The following TFDP2 variants were observed in gnomAD, a reference collection of about 807,000 sequenced individuals.
The protein encoded by TFDP2 is transcription factor Dp-2, also known as transcription factor Dp-2 (E2F dimerization partner 2).
TFDP2 carries 17 observed loss-of-function variants against 59.3 expected under a neutral mutation model. That is an observed-to-expected ratio of 0.29 (90% CI 0.20 to 0.43). The LOEUF (loss-of-function observed/expected upper bound fraction) is 0.43, where lower values mean the gene tolerates loss of function less well. Among genes scored for constraint, TFDP2 ranks in the 20% least tolerant of loss-of-function variants. The pLI, the probability that TFDP2 is intolerant of heterozygous loss-of-function variation, is 1.00. For synonymous variants in TFDP2, 180 were observed against 194.7 expected (o/e 0.92, Z 0.63); for missense variants, 391 against 528.8 (o/e 0.74, Z 2.56).
intron 1 of TFDP2, among the ~76,000 whole-genome samples, chr3:142,108,424 G>C (rs112061061): frequency 6.6e-6 from 1 of 152,160 alleles, no homozygotes; most frequent in African/African-American, 2.4e-5. Context: ...TGGCCAGGCT[G>C]GTTTCAAACT....
At chr3:141,984,008 A>G (rs1941780389) in intron 6 of TFDP2, among the ~76,000 whole-genome samples, 1 of 152,230 alleles carries the variant, frequency 6.6e-6, no homozygotes, top group African/African-American at 2.4e-5. Flanking sequence ...ATATTTGTAC[A>G]CCCATGCTCA....
intron 1 of TFDP2, among the ~76,000 whole-genome samples, chr3:142,117,317 AC>A (rs1487566755): frequency 6.6e-6 from 1 of 152,102 alleles, no homozygotes; most frequent in Non-Finnish European, 1.5e-5. Flanking sequence ...CATAAAATAA[AC>A]CACAAGAATT....
intron 6 of TFDP2, among the ~76,000 whole-genome samples, chr3:141,985,362 C>G (rs148929670): frequency 2.0e-5 from 3 of 151,790 alleles, no homozygotes; most frequent in African/African-American, 7.2e-5. Flanking sequence ...GACCTCATCT[C>G]TACAAAAAAT....
At position 141,964,057 on chromosome 3, in the gene TFDP2, T is replaced by C. The variant is rs1937600904; in HGVS notation, c.733-94A>G. The C allele has an allele frequency of 2.4e-6, 3 of 1,242,120 alleles. No individual in the cohort carries two copies. In the Admixed American group the frequency reaches 7.7e-5, roughly 32 times the overall value. The allele number at this position is 1,242,120 out of a possible 1,614,324, so 76.9% of individuals were successfully genotyped here. ...TAATACCTTTAAATATAGTTTAAAA[T>C]TAGAGTTTAAAGAGACATCCCGCCT... On this transcript the variant is annotated intron_variant, in intron 9 of 12. Coordinates refer to ENST00000489671, the MANE Select transcript of TFDP2 (RefSeq NM_001178139.2).
intron 1 of TFDP2, among the ~76,000 whole-genome samples, chr3:142,104,481 A>G (rs2061413699): frequency 2.0e-5 from 3 of 152,208 alleles, no homozygotes; most frequent in African/African-American, 7.2e-5. Context: ...CATATATGCT[A>G]TCACCAAGGG....
At chr3:141,980,575 C>T (rs1336638853) in intron 6 of TFDP2, among the ~76,000 whole-genome samples, 1 of 152,096 alleles carries the variant, frequency 6.6e-6, no homozygotes, top group Non-Finnish European at 1.5e-5. Context: ...AAGAGTCTCA[C>T]TCTATCCCCT....
intron 1 of TFDP2, among the ~76,000 whole-genome samples, chr3:142,124,383 C>T (rs1056150764): frequency 6.6e-6 from 1 of 151,972 alleles, no homozygotes; most frequent in African/African-American, 2.4e-5. Context: ...AAAAAGCATA[C>T]AGATAGAGGG....
chr3:142,088,711 G>A (rs2108606409), intron 3 of TFDP2, among the ~76,000 whole-genome samples: 2 of 150,664 alleles, frequency 1.3e-5, no homozygotes, highest in South Asian at 4.2e-4. Context: ...CCTGGACTCA[G>A]GAAATCCTTC....
At chr3:142,071,233 T>C (rs2060237806) in intron 3 of TFDP2, among the ~76,000 whole-genome samples, 1 of 152,040 alleles carries the variant, frequency 6.6e-6, no homozygotes, top group African/African-American at 2.4e-5. Context: ...CTTGGCTTAC[T>C]GCAAGCTCTG....
intron 4 of TFDP2, among the ~76,000 whole-genome samples, chr3:142,001,510 C>T (rs1475191420): frequency 6.6e-6 from 1 of 152,098 alleles, no homozygotes; most frequent in Admixed American, 6.6e-5. Flanking sequence ...TTTATTCTTC[C>T]ATTGTTTTGA....
intron 3 of TFDP2, among the ~76,000 whole-genome samples, chr3:142,011,334 G>A (rs377377571): frequency 6.1e-5 from 8 of 131,534 alleles, no homozygotes; most frequent in East Asian, 2.2e-4. Flanking sequence ...GTAAACTATC[G>A]CAAGAACAAA....
chr3:142,073,721 CT>C (rs1047182884), intron 3 of TFDP2, among the ~76,000 whole-genome samples: 5 of 152,122 alleles, frequency 3.3e-5, no homozygotes, highest in African/African-American at 7.2e-5. Flanking sequence ...AAACAATTCA[CT>C]TTTGAAAGTA....
chr3:142,115,061 G>A (rs1560160069), intron 1 of TFDP2, among the ~76,000 whole-genome samples: 2 of 151,850 alleles, frequency 1.3e-5, no homozygotes, highest in Non-Finnish European at 2.9e-5. Flanking sequence ...CTTAATTCCT[G>A]CCCCTCCACT....
intron 3 of TFDP2, among the ~76,000 whole-genome samples, chr3:142,062,752 C>A (rs954717640): frequency 2.6e-5 from 4 of 151,426 alleles, no homozygotes; most frequent in African/African-American, 9.7e-5. Context: ...TACCCAAATG[C>A]CCAATAACAT....
chr3:142,130,525 A>G (rs1238081120), intron 1 of TFDP2, among the ~76,000 whole-genome samples: 1 of 151,530 alleles, frequency 6.6e-6, no homozygotes, highest in Non-Finnish European at 1.5e-5. Context: ...GTTTTAGGGT[A>G]CATGTGCACA....
At chr3:142,006,417 T>C (rs963812838) in intron 3 of TFDP2, among the ~76,000 whole-genome samples, 1 of 151,692 alleles carries the variant, frequency 6.6e-6, no homozygotes, top group African/African-American at 2.4e-5. Context: ...GTTGCCTTCC[T>C]CAGATGACCC....
chr3:142,082,877 A>G (rs1305743448), intron 3 of TFDP2, among the ~76,000 whole-genome samples: 1 of 152,210 alleles, frequency 6.6e-6, no homozygotes, highest in Non-Finnish European at 1.5e-5. Flanking sequence ...CCTCAACATA[A>G]TAAAAGGCAT....
Position 141,951,041 on chromosome 3 carries a change from A to G in TFDP2, c.*1472T>C, listed in dbSNP as rs562471724. The G allele has an allele frequency of 6.6e-6, 1 of 152,306 alleles. No individual in the cohort carries two copies. Among genetic ancestry groups the G allele is most frequent in the African/African-American group, 2.4e-5 (1 of 41,564 alleles). 9.4% of individuals were successfully genotyped at this position (152,306 alleles called of 1,614,324 possible). ...AGTGTTAGCATGGTGGTGAGGCTAT[A>G]AAGAGGCACCACAGGAAGGAGCCTG... is the stretch of plus-strand genomic sequence containing the variant. On this transcript the variant is annotated 3_prime_UTR_variant, in exon 13 of 13. Transcript: ENST00000489671.
At chr3:142,097,938 C>G (rs557058253) in intron 2 of TFDP2, among the ~76,000 whole-genome samples, 9 of 152,106 alleles carry the variant, frequency 5.9e-5, no homozygotes, top group African/African-American at 2.2e-4. Flanking sequence ...ATTACAGGCA[C>G]ACTGCCACCA....
Sources: gnomAD v4.1 joint callset for allele counts (sites outside exome capture counted in the v4.1 genomes callset) on GRCh38, gnomAD v4.1.1 for gene constraint, MANE v1.5 for transcripts, NCBI Gene and HGNC (gene_info 2026-07-23, HGNC 2026-07-21) for gene names.